ADGRL2: variants seen among roughly 807,000 people sequenced by gnomAD.
ADGRL2 encodes the protein calcium-independent alpha-latrotoxin receptor 2.
In ADGRL2, 44 loss-of-function variants were observed where a neutral mutation model predicts 157.4. That is an observed-to-expected ratio of 0.28 (90% CI 0.22 to 0.36). The LOEUF (loss-of-function observed/expected upper bound fraction) is 0.36, where lower values mean the gene tolerates loss of function less well. Ranked by LOEUF, ADGRL2 falls within the 10% of genes least tolerant of loss-of-function variation. ADGRL2 has a pLI of 1.00. For missense variants in ADGRL2, 1,510 were observed against 1,768.9 expected, an observed-to-expected ratio of 0.85 and a Z score of 2.63; for synonymous variants, 585 against 624.7, an observed-to-expected ratio of 0.94 and a Z score of 0.95.
intron 1 of ADGRL2, among the ~76,000 whole-genome samples, chr1:81,360,853 G>A (rs2075964983): frequency 6.6e-6 from 1 of 151,838 alleles, no homozygotes; most frequent in African/African-American, 2.4e-5. Flanking sequence ...TTGAAATAAT[G>A]TAAGAAAAAA....
At chr1:81,795,868 T>C (rs1045859702), upstream of ADGRL2, among the ~76,000 whole-genome samples, 5 of 152,272 alleles carry the variant, frequency 3.3e-5, no homozygotes, top group Non-Finnish European at 7.3e-5. Context: ...TTTTAGATTA[T>C]TCTTAGTTTA....
At chr1:81,867,548 T>C (rs1437678677) in intron 2 of ADGRL2, among the ~76,000 whole-genome samples, 1 of 152,198 alleles carries the variant, frequency 6.6e-6, no homozygotes, top group African/African-American at 2.4e-5. Flanking sequence ...TACTTGAAAA[T>C]ATTTAGTTAA....
At chr1:81,676,212 T>C (rs1487818709) in intron 3 of ADGRL2, among the ~76,000 whole-genome samples, 4 of 152,028 alleles carry the variant, frequency 2.6e-5, no homozygotes. Flanking sequence ...GGTTTCACCA[T>C]ATTGGCCAGG....
chr1:81,609,950 C>T (rs1465253204), intron 3 of ADGRL2, among the ~76,000 whole-genome samples: 1 of 152,204 alleles, frequency 6.6e-6, no homozygotes, highest in Non-Finnish European at 1.5e-5. Context: ...TTCTGACATT[C>T]GCTATGCTAA....
intron 2 of ADGRL2, chr1:81,502,839 C>T: frequency 1.2e-6 from 2 of 1,612,630 alleles, no homozygotes; most frequent in Non-Finnish European, 1.7e-6. Flanking sequence ...CTGCCGAGGC[C>T]CCTGCCCTCC....
At chr1:81,894,961 A>G (rs1011207730) in intron 2 of ADGRL2, among the ~76,000 whole-genome samples, 2 of 152,180 alleles carry the variant, frequency 1.3e-5, no homozygotes, top group African/African-American at 4.8e-5. Context: ...AATTATTAGC[A>G]TGGGTAATAA....
intron 2 of ADGRL2, among the ~76,000 whole-genome samples, chr1:81,565,193 C>G (rs1331523260): frequency 1.3e-5 from 2 of 152,148 alleles, no homozygotes; most frequent in Non-Finnish European, 2.9e-5. Flanking sequence ...AGTTTCCTGA[C>G]TGTGATTCAG....
intron 4 of ADGRL2, among the ~76,000 whole-genome samples, chr1:81,940,194 G>A (rs1004127937): frequency 2.0e-5 from 3 of 151,328 alleles, no homozygotes; most frequent in African/African-American, 4.8e-5. Context: ...ATTTTAAAAT[G>A]TATTATTTCC....
At chr1:81,343,072 CT>C (rs71088206) in intron 1 of ADGRL2, among the ~76,000 whole-genome samples, 30,882 of 138,732 alleles carry the variant, frequency 0.22, 4,001 homozygotes, top group Middle Eastern at 0.33. Context: ...TTTTTCTTTT[CT>C]TTTTTTCTTT....
intron 1 of ADGRL2, among the ~76,000 whole-genome samples, chr1:81,418,615 G>C (rs1037968607): frequency 3.9e-5 from 6 of 152,122 alleles, no homozygotes; most frequent in African/African-American, 2.4e-5. Flanking sequence ...ATACCCAGGC[G>C]TGGTGGCAGG....
chr1:81,917,083 A>G (rs984256933), intron 3 of ADGRL2, among the ~76,000 whole-genome samples: 5 of 151,726 alleles, frequency 3.3e-5, no homozygotes, highest in South Asian at 2.1e-4. Flanking sequence ...TCCTTCTTCT[A>G]CCTCCTTCAG....
intron 1 of ADGRL2, among the ~76,000 whole-genome samples, chr1:81,432,583 T>G (rs1406776651): frequency 6.6e-6 from 1 of 152,248 alleles, no homozygotes; most frequent in Non-Finnish European, 1.5e-5. Flanking sequence ...TTATGAGTTC[T>G]TAACAAAATT....
chr1:81,594,055 A>G (rs2081184235), intron 3 of ADGRL2, among the ~76,000 whole-genome samples: 1 of 152,220 alleles, frequency 6.6e-6, no homozygotes, highest in South Asian at 2.1e-4. Context: ...ACACTGGCTC[A>G]GGAGAGTATA....
At chr1:81,654,362 T>C (rs1405830302) in intron 3 of ADGRL2, among the ~76,000 whole-genome samples, 2 of 152,200 alleles carry the variant, frequency 1.3e-5, no homozygotes, top group Admixed American at 1.3e-4. Flanking sequence ...TGTCAGTCTT[T>C]ACAAGAGCTT....
At chr1:81,311,849 A>G (rs1007088056) in intron 1 of ADGRL2, among the ~76,000 whole-genome samples, 1 of 152,218 alleles carries the variant, frequency 6.6e-6, no homozygotes, top group Admixed American at 6.5e-5. Flanking sequence ...ACCAAGGTGA[A>G]AAGTTAAGAA....
chr1:81,366,050 C>A (rs1167810597), intron 1 of ADGRL2, among the ~76,000 whole-genome samples: 1 of 152,052 alleles, frequency 6.6e-6, no homozygotes, highest in Non-Finnish European at 1.5e-5. Context: ...ATAAGGGAGA[C>A]AACATTAGGG....
At chr1:81,319,260 A>G (rs1239627893) in intron 1 of ADGRL2, among the ~76,000 whole-genome samples, 2 of 151,986 alleles carry the variant, frequency 1.3e-5, no homozygotes, top group African/African-American at 4.8e-5. Flanking sequence ...TCCTCCATCA[A>G]TTCTATGGTG....
intron 3 of ADGRL2, among the ~76,000 whole-genome samples, chr1:81,932,131 G>T (rs2095242302): frequency 6.6e-6 from 1 of 152,028 alleles, no homozygotes; most frequent in Admixed American, 6.6e-5. Flanking sequence ...ATATTTTTCT[G>T]TTATTTTTAA....
At chr1:81,735,704 T>G (rs1210573414) in intron 1 of ADGRL2, among the ~76,000 whole-genome samples, 3 of 144,908 alleles carry the variant, frequency 2.1e-5, no homozygotes, top group Admixed American at 6.8e-5. Flanking sequence ...GCAGGAGAAT[T>G]GCTTGAACCC....
Sources: allele counts gnomAD v4.1 joint callset (sites outside exome capture counted in the v4.1 genomes callset), GRCh38; gene constraint gnomAD v4.1.1; transcripts MANE v1.5; gene names NCBI Gene and HGNC (gene_info 2026-07-23, HGNC 2026-07-21).